NEK10: variants seen among roughly 807,000 people sequenced by gnomAD.
NEK10 encodes NIMA related kinase 10, also known as serine/threonine-protein kinase Nek10.
Under a neutral mutation model 159.8 loss-of-function variants are expected in NEK10, and 122 were observed. The observed-to-expected ratio is 0.76, with a 90% CI of 0.66 to 0.89. NEK10 has a LOEUF of 0.89. Among genes scored for constraint, NEK10 ranks in the 40% least tolerant of loss-of-function variants. The probability of loss-of-function intolerance (pLI) is 0.00; values close to 1 mark genes in which losing one functional copy is unlikely to be tolerated. For synonymous variants in NEK10, 466 were observed against 457.1 expected (o/e 1.02, Z -0.25); for missense variants, 1,342 against 1,323.1 (o/e 1.01, Z -0.22).
At chr3:27,208,833 A>G (rs1379242071) in intron 23 of NEK10, among the ~76,000 whole-genome samples, 1 of 152,204 alleles carries the variant, frequency 6.6e-6, no homozygotes, top group African/African-American at 2.4e-5. Flanking sequence ...TTATCCTCAG[A>G]GCATGTGCTG....
At position 27,295,592 on chromosome 3, in the gene NEK10, G is replaced by A. The variant is rs536200327; in HGVS notation, c.1308+21C>T. 1.3e-5 allele frequency: 20 copies of A among 1,545,226 alleles called. No homozygotes were observed. The South Asian group carries it at 1.9e-4, about 15-fold the overall frequency. ...AGATTTCAATAACTTGATACTGAAGGACAAGAGACATGTTTATTACCTGTA... is the reference window on the plus strand; with the variant it reads ...AGATTTCAATAACTTGATACTGAAGAACAAGAGACATGTTTATTACCTGTA... On this transcript the variant is annotated intron_variant, in intron 15 of 35. Coordinates refer to ENST00000691995, the MANE Select transcript of NEK10 (RefSeq NM_001394966.1).
chr3:27,359,129 G>A (rs1249021152), intron 1 of NEK10, among the ~76,000 whole-genome samples: 1 of 149,912 alleles, frequency 6.7e-6, no homozygotes, highest in Non-Finnish European at 1.5e-5. Context: ...TTGAACCCAG[G>A]AGGCAGAGGT....
intron 29 of NEK10, 67 bp from the exon 30 acceptor site, chr3:27,162,805 C>T (rs1168155619): frequency 1.2e-6 from 2 of 1,607,108 alleles, no homozygotes; most frequent in Non-Finnish European, 8.5e-7. Flanking sequence ...TAAGAGCCTA[C>T]ATCTTGCTAT....
intron 5 of NEK10, among the ~76,000 whole-genome samples, chr3:27,331,237 C>CAAAAAAAAAAAAAAAAAAAAAAAAAAAAA (rs11351970): frequency 3.4e-5 from 1 of 29,588 alleles, no homozygotes; most frequent in African/African-American, 5.8e-5. Context: ...GACTCTGTCT[C>CAAAAAAAAAAAAAAAAAAAAAAAAAAAAA]AAAAAAAAAA....
At chr3:27,359,538 C>T (rs2048539948) in intron 1 of NEK10, among the ~76,000 whole-genome samples, 1 of 152,158 alleles carries the variant, frequency 6.6e-6, no homozygotes, top group African/African-American at 2.4e-5. Flanking sequence ...TCTCTAATTC[C>T]TTTACTGTAG....
At chr3:27,180,628 TTGAC>T (rs1947988608) in intron 26 of NEK10, among the ~76,000 whole-genome samples, 1 of 152,206 alleles carries the variant, frequency 6.6e-6, no homozygotes, top group Admixed American at 6.5e-5. Context: ...TAGAACCTCA[TTGAC>T]TGTTTCATTT....
At chr3:27,257,788 CTTTTTTTTTTT>C (rs79727702) in intron 22 of NEK10, among the ~76,000 whole-genome samples, 2 of 130,514 alleles carry the variant, frequency 1.5e-5, no homozygotes, top group East Asian at 4.3e-4. Flanking sequence ...TTTCTTTTTT[CTTTTTTTTTTT>C]TTTTTTTGAG....
chr3:27,145,400 T>C (rs1279347532), intron 30 of NEK10, among the ~76,000 whole-genome samples: 2 of 152,184 alleles, frequency 1.3e-5, no homozygotes, highest in Non-Finnish European at 2.9e-5. Context: ...TTTATTAAAA[T>C]AGTAAATTTG....
At chr3:27,361,758 A>G (rs748026119) in intron 1 of NEK10, among the ~76,000 whole-genome samples, 1 of 152,228 alleles carries the variant, frequency 6.6e-6, no homozygotes, top group Non-Finnish European at 1.5e-5. Context: ...ATTGATGTTC[A>G]TATGTTTGGT....
At chr3:27,364,360 G>C (rs1243078610) in intron 1 of NEK10, among the ~76,000 whole-genome samples, 19 of 34,518 alleles carry the variant, frequency 5.5e-4, no homozygotes, top group Admixed American at 1.7e-3. Flanking sequence ...GTGTGTGTGT[G>C]TGTGTGTGTG....
At chr3:27,120,397 C>T (rs1941130225) in intron 32 of NEK10, among the ~76,000 whole-genome samples, 1 of 151,470 alleles carries the variant, frequency 6.6e-6, no homozygotes, top group Non-Finnish European at 1.5e-5. Context: ...AATCTCGGCT[C>T]ACTGCAACTT....
intron 23 of NEK10, among the ~76,000 whole-genome samples, chr3:27,242,250 G>T (rs1046363369): frequency 7.9e-5 from 12 of 152,250 alleles, no homozygotes; most frequent in African/African-American, 2.9e-4. Context: ...AAAGAATGAG[G>T]CTGTTGCTTC....
chr3:27,338,996 G>A (rs1306128623), intron 5 of NEK10, among the ~76,000 whole-genome samples: 1 of 152,148 alleles, frequency 6.6e-6, no homozygotes, highest in Admixed American at 6.5e-5. Flanking sequence ...TCAAGAGAGT[G>A]AAGAGACAAC....
intron 5 of NEK10, among the ~76,000 whole-genome samples, chr3:27,325,390 C>A (rs921441465): frequency 2.6e-5 from 4 of 152,200 alleles, no homozygotes; most frequent in Non-Finnish European, 4.4e-5. Context: ...GAATAAAGAT[C>A]TGCCCCCTTG....
intron 30 of NEK10, among the ~76,000 whole-genome samples, chr3:27,149,232 G>A (rs536418927): frequency 2.6e-5 from 4 of 152,194 alleles, no homozygotes; most frequent in Admixed American, 2.6e-4. Flanking sequence ...AGTTTATACA[G>A]TGATGGGTCT....
chr3:27,154,719 C>G (rs1446324616), intron 30 of NEK10, among the ~76,000 whole-genome samples: 2 of 152,078 alleles, frequency 1.3e-5, no homozygotes, highest in African/African-American at 4.8e-5. Context: ...ACAATATATG[C>G]AGAAAAAGCA....
intron 29 of NEK10, among the ~76,000 whole-genome samples, chr3:27,170,888 T>C (rs1188274080): frequency 6.6e-6 from 1 of 152,192 alleles, no homozygotes; most frequent in Admixed American, 6.5e-5. Flanking sequence ...CTCTGGTCTA[T>C]GATGCAACTG....
At chr3:27,284,457 T>C (rs563455945) in intron 22 of NEK10, 145 bp downstream of exon 22, 19 of 580,108 alleles carry the variant, frequency 3.3e-5, no homozygotes, top group African/African-American at 9.4e-5. Flanking sequence ...AAGTGCTCAA[T>C]AGCCACATGT....
intron 26 of NEK10, among the ~76,000 whole-genome samples, chr3:27,183,467 T>C (rs1948330659): frequency 6.6e-6 from 1 of 150,500 alleles, no homozygotes; most frequent in Non-Finnish European, 1.5e-5. Flanking sequence ...GGATCATAGG[T>C]CTAAAACATT....
Sources: gnomAD v4.1 joint callset for allele counts (sites outside exome capture counted in the v4.1 genomes callset) on GRCh38, gnomAD v4.1.1 for gene constraint, MANE v1.5 for transcripts, NCBI Gene and HGNC (gene_info 2026-07-23, HGNC 2026-07-21) for gene names.